HS2ST1: variants seen among roughly 807,000 people sequenced by gnomAD.
HS2ST1 encodes 2-O-sulfotransferase.
HS2ST1 carries 18 observed loss-of-function variants against 42.9 expected under a neutral mutation model. The ratio of observed to expected loss-of-function variants is 0.42; its 90% CI spans 0.29 to 0.62. HS2ST1 has a LOEUF of 0.62. Ranked by LOEUF, HS2ST1 falls within the 20% of genes least tolerant of loss-of-function variation. HS2ST1 has a pLI of 0.21. For missense variants in HS2ST1, 334 were observed against 433.8 expected, an observed-to-expected ratio of 0.77 and a Z score of 2.04; for synonymous variants, 146 against 152.9, an observed-to-expected ratio of 0.95 and a Z score of 0.33.
At chr1:87,041,930 C>T (rs1650533821) in intron 1 of HS2ST1, among the ~76,000 whole-genome samples, 1 of 152,130 alleles carries the variant, frequency 6.6e-6, no homozygotes, top group Admixed American at 6.5e-5. Flanking sequence ...CTTAAAGATT[C>T]TGACTTCAGT....
intron 1 of HS2ST1, chr1:86,934,480 A>G (rs1660603070): frequency 6.6e-6 from 1 of 152,252 alleles, no homozygotes; most frequent in Non-Finnish European, 1.5e-5. Context: ...AATTTACATT[A>G]CAGTGTTCCT....
chr1:86,956,262 T>G (rs1348160447), intron 1 of HS2ST1, among the ~76,000 whole-genome samples: 6 of 152,108 alleles, frequency 3.9e-5, no homozygotes, highest in African/African-American at 1.4e-4. Flanking sequence ...AATTCCAGAT[T>G]AAAAAAAGAT....
rs531348590 is a variant in HS2ST1 at position 86,948,565 on chromosome 1, G to A, written c.124+33405G>A. Among the ~76,000 whole-genome samples, 26 of 152,212 alleles carry A rather than the reference G, an allele frequency of 1.7e-4. No individual in the cohort carries two copies. In the South Asian group the frequency reaches 5.4e-3, roughly 32 times the overall value. On this transcript the variant is annotated intron_variant, in intron 1 of 6. Transcript: ENST00000370550. ...TACTTAATGACCAGAATTGTGGTTT[G>A]TTTTTCACCTGAAAAATTGATCACT...
chr1:86,944,260 A>G (rs2102178829), intron 1 of HS2ST1, among the ~76,000 whole-genome samples: 1 of 152,334 alleles, frequency 6.6e-6, no homozygotes, highest in East Asian at 1.9e-4. Context: ...TTTGAGGTAG[A>G]GTGGGTGATA....
chr1:87,046,654 T>C (rs1052174257), intron 1 of HS2ST1: 5 of 1,525,976 alleles, frequency 3.3e-6, no homozygotes, highest in Non-Finnish European at 4.4e-6. Flanking sequence ...ATCAACAGAA[T>C]GAACCCCAGT....
chr1:86,988,173 G>A (rs1179355244), intron 1 of HS2ST1, among the ~76,000 whole-genome samples: 1 of 152,142 alleles, frequency 6.6e-6, no homozygotes, highest in Non-Finnish European at 1.5e-5. Flanking sequence ...ATGACTGATG[G>A]AGCCATCATT....
intron 1 of HS2ST1, among the ~76,000 whole-genome samples, chr1:87,069,847 AATT>A (rs1557535400): frequency 6.6e-6 from 1 of 152,236 alleles, no homozygotes; most frequent in Non-Finnish European, 1.5e-5. Flanking sequence ...CAAGAATAAT[AATT>A]ACTTTTTAAA....
At chr1:86,943,062 A>G (rs962332915) in intron 1 of HS2ST1, among the ~76,000 whole-genome samples, 1 of 152,192 alleles carries the variant, frequency 6.6e-6, no homozygotes, top group Non-Finnish European at 1.5e-5. Flanking sequence ...TTAAGATCTA[A>G]AATTAAATGT....
chr1:87,034,042 A>G (rs1278263194), intron 1 of HS2ST1, among the ~76,000 whole-genome samples: 2 of 152,298 alleles, frequency 1.3e-5, no homozygotes, highest in East Asian at 3.9e-4. Flanking sequence ...TATTTTGCAA[A>G]TATTGAGGAT....
At chr1:86,994,902 G>A (rs1649055130) in intron 1 of HS2ST1, among the ~76,000 whole-genome samples, 1 of 152,022 alleles carries the variant, frequency 6.6e-6, no homozygotes, top group African/African-American at 2.4e-5. Flanking sequence ...GTAGGAATGT[G>A]AATATTTCAA....
chr1:86,936,848 C>A (rs1245394149), intron 1 of HS2ST1, among the ~76,000 whole-genome samples: 6 of 150,968 alleles, frequency 4.0e-5, no homozygotes, highest in African/African-American at 1.5e-4. Context: ...GTAATCCCAG[C>A]ACTTTGGGAG....
At chr1:86,923,276 C>T (rs1660337326) in intron 1 of HS2ST1, among the ~76,000 whole-genome samples, 1 of 152,058 alleles carries the variant, frequency 6.6e-6, no homozygotes, top group South Asian at 2.1e-4. Flanking sequence ...AAGAAAGAGG[C>T]TTAATTGGAC....
At chr1:87,037,864 T>C (rs1250389556) in intron 1 of HS2ST1, among the ~76,000 whole-genome samples, 1 of 152,036 alleles carries the variant, frequency 6.6e-6, no homozygotes, top group African/African-American at 2.4e-5. Flanking sequence ...ATGTAGCATA[T>C]ATCTATAATA....
intron 1 of HS2ST1, chr1:86,993,007 A>G (rs1352780348): frequency 2.7e-6 from 4 of 1,482,162 alleles, no homozygotes; most frequent in Non-Finnish European, 2.7e-6. Context: ...CTTTCCTCCC[A>G]GTGTGGGGAG....
intron 1 of HS2ST1, among the ~76,000 whole-genome samples, chr1:86,926,162 C>G (rs1009643939): frequency 4.6e-5 from 7 of 152,178 alleles, no homozygotes; most frequent in African/African-American, 1.7e-4. Flanking sequence ...ACCCAGTGCC[C>G]TGTGTATTAC....
At chr1:87,022,717 A>C (rs1244848350) in intron 1 of HS2ST1, among the ~76,000 whole-genome samples, 2 of 152,216 alleles carry the variant, frequency 1.3e-5, no homozygotes, top group Non-Finnish European at 2.9e-5. Context: ...TTTCATAGTT[A>C]TGGGAAAACA....
chr1:86,970,887 A>T (rs926803395), intron 1 of HS2ST1, among the ~76,000 whole-genome samples: 1 of 152,172 alleles, frequency 6.6e-6, no homozygotes, highest in African/African-American at 2.4e-5. Flanking sequence ...CAAATAATTT[A>T]CAGGTCAAAT....
intron 1 of HS2ST1, among the ~76,000 whole-genome samples, chr1:86,984,028 AG>A (rs1395805588): frequency 1.4e-5 from 2 of 138,248 alleles, no homozygotes; most frequent in Non-Finnish European, 3.1e-5. Flanking sequence ...TGACAGAGCA[AG>A]GCTCCATCTC....
Position 87,073,050 on chromosome 1 carries a change from G to A in HS2ST1, c.241G>A (p.Val81Ile). 1.2e-6 allele frequency: 2 copies of A among 1,614,054 alleles called. No individual in the cohort carries two copies. The highest frequency in any genetic ancestry group is 1.7e-6 in the Non-Finnish European group (2 of 1,179,944). ...GGACATGGTGATCATTTATAACAGA[G>A]TTCCCAAAACGGCAAGCACTTCATT... is the stretch of plus-strand genomic sequence containing the variant. ...EEDMVIIYNR[V>I]PKTASTSFTN... Residue 81 changes from valine to isoleucine, a missense_variant, in exon 2 of 7, where the codon GTT becomes ATT. Transcript: ENST00000370550.
Sources: gnomAD v4.1 joint callset for allele counts (sites outside exome capture counted in the v4.1 genomes callset) on GRCh38, gnomAD v4.1.1 for gene constraint, MANE v1.5 for transcripts, NCBI Gene and HGNC (gene_info 2026-07-23, HGNC 2026-07-21) for gene names.